The following GLIS1 variants were observed in gnomAD, a reference collection of about 807,000 sequenced individuals.
The protein encoded by GLIS1 is zinc finger protein GLIS1.
GLIS1 carries 24 observed loss-of-function variants against 63.8 expected under a neutral mutation model. That is an observed-to-expected ratio of 0.38 (90% CI 0.27 to 0.53). The LOEUF is 0.53. Among genes scored for constraint, GLIS1 ranks in the 20% least tolerant of loss-of-function variants. GLIS1 has a pLI of 0.85. For missense variants in GLIS1, 1,036 were observed against 1,074.1 expected (o/e 0.96, Z 0.50); for synonymous variants, 450 against 482.5 (o/e 0.93, Z 0.88).
At chr1:53,601,340 T>A (rs1645315866) in intron 2 of GLIS1, among the ~76,000 whole-genome samples, 1 of 152,216 alleles carries the variant, frequency 6.6e-6, no homozygotes, top group Admixed American at 6.5e-5. Flanking sequence ...GAAGGAAAAT[T>A]GTTCTTATTG....
chr1:53,711,014 C>A (rs1221597566), intron 2 of GLIS1, among the ~76,000 whole-genome samples: 1 of 152,094 alleles, frequency 6.6e-6, no homozygotes, highest in Non-Finnish European at 1.5e-5. Flanking sequence ...CTACACCCAC[C>A]CGTACCCCAC....
At chr1:53,724,228 T>C (rs964216410) in intron 2 of GLIS1, among the ~76,000 whole-genome samples, 1 of 152,226 alleles carries the variant, frequency 6.6e-6, no homozygotes, top group Non-Finnish European at 1.5e-5. Context: ...GACTTTAGCA[T>C]GTGACAAGAG....
In GLIS1 at chr1:53,506,770, T is replaced by C; in HGVS notation, c.2237A>G (p.Glu746Gly). ...GGGGCATGAGGCCTCAGCCAGGGCC[T>C]CATAGCCTGTGAGTGGTTGGGAAAG... is the stretch of plus-strand genomic sequence containing the variant. ...LSTPLPATGY[E>G]ALAEASCPTA... Residue 746 changes from glutamate (E) to glycine (G), a missense_variant, in exon 11 of 11, where the codon GAG (glutamate) becomes GGG (glycine). Glu to Gly is a moderately conservative substitution (Grantham distance 98). Coordinates refer to ENST00000628545, the MANE Select transcript of GLIS1 (RefSeq NM_001367484.1). The C allele has an allele frequency of 6.2e-7, 1 of 1,609,702 alleles. No homozygotes were observed.
At chr1:53,660,103 T>C (rs1459675528) in intron 2 of GLIS1, among the ~76,000 whole-genome samples, 1 of 152,142 alleles carries the variant, frequency 6.6e-6, no homozygotes, top group African/African-American at 2.4e-5. Flanking sequence ...CCAGACATTC[T>C]CCAGGTTGGG....
chr1:53,718,002 G>C (rs755650946), intron 2 of GLIS1, among the ~76,000 whole-genome samples: 7 of 152,226 alleles, frequency 4.6e-5, no homozygotes, highest in African/African-American at 7.2e-5. Context: ...TCTGGAACAG[G>C]TGACAACAGA....
intron 4 of GLIS1, among the ~76,000 whole-genome samples, chr1:53,584,066 A>G (rs1645111138): frequency 6.6e-6 from 1 of 152,120 alleles, no homozygotes; most frequent in African/African-American, 2.4e-5. Context: ...GGATCTGTGG[A>G]AGAAGGGCTC....
intron 4 of GLIS1, among the ~76,000 whole-genome samples, chr1:53,591,323 G>C (rs544881024): frequency 3.3e-4 from 50 of 152,284 alleles, no homozygotes; most frequent in African/African-American, 1.2e-3. Context: ...AGGAGGCCAG[G>C]GGAGGCTCTG....
intron 2 of GLIS1, among the ~76,000 whole-genome samples, chr1:53,635,061 GTT>G (rs149641062): frequency 6.6e-6 from 1 of 150,966 alleles, no homozygotes; most frequent in African/African-American, 2.5e-5. Flanking sequence ...CTCTGTTGTT[GTT>G]TTTTTTTTAA....
At chr1:53,545,124 A>G (rs1436689621) in intron 4 of GLIS1, among the ~76,000 whole-genome samples, 3 of 152,194 alleles carry the variant, frequency 2.0e-5, no homozygotes, top group African/African-American at 2.4e-5. Context: ...TTCCCCTCCA[A>G]TTCTGTGAAA....
At chr1:53,710,826 T>C (rs555359487) in intron 2 of GLIS1, among the ~76,000 whole-genome samples, 6 of 152,324 alleles carry the variant, frequency 3.9e-5, no homozygotes, top group African/African-American at 1.4e-4. Flanking sequence ...CTCCCACGCA[T>C]GTGAATGTTC....
At chr1:53,629,754 G>A (rs1419336607) in intron 2 of GLIS1, among the ~76,000 whole-genome samples, 1 of 152,118 alleles carries the variant, frequency 6.6e-6, no homozygotes, top group Non-Finnish European at 1.5e-5. Flanking sequence ...CACACACACT[G>A]CCTACTACAT....
At chr1:53,527,167 G>A (rs1252554634) in intron 5 of GLIS1, among the ~76,000 whole-genome samples, 2 of 152,266 alleles carry the variant, frequency 1.3e-5, no homozygotes, top group African/African-American at 2.4e-5. Flanking sequence ...GAGGGAGGGA[G>A]CGTGTGCAGG....
intron 2 of GLIS1, among the ~76,000 whole-genome samples, chr1:53,651,382 G>A (rs1174463775): frequency 1.3e-5 from 2 of 152,188 alleles, no homozygotes; most frequent in Non-Finnish European, 2.9e-5. Context: ...TGCCAGCCCT[G>A]CCTAAACAAA....
intron 2 of GLIS1, among the ~76,000 whole-genome samples, chr1:53,667,583 G>A (rs1646106704): frequency 6.6e-6 from 1 of 151,574 alleles, no homozygotes; most frequent in African/African-American, 2.4e-5. Context: ...CTCTCTTTCA[G>A]ACTCACAGGC....
In GLIS1 at chr1:53,646,341, A is replaced by G. The variant is rs1645844150; in HGVS notation, c.260-46063T>C. On this transcript the variant is annotated intron_variant, in intron 2 of 10. Coordinates refer to ENST00000628545, the MANE Select transcript of GLIS1 (RefSeq NM_001367484.1). This position sits in a 1 kb window ranked among gnomAD's most constrained non-coding sequence, Gnocchi z 4.2. ...AATCTAAAAACAAACTAGACCATTA[A>G]AAAGTTAATTTGACAAGGTCAGTAG... Among the ~76,000 whole-genome samples, 1 of 152,242 alleles carries G rather than the reference A, an allele frequency of 6.6e-6. No homozygotes were observed. Among genetic ancestry groups the G allele is most frequent in the Non-Finnish European group, 1.5e-5 (1 of 68,042 alleles).
chr1:53,602,424 C>T (rs926346750), intron 2 of GLIS1, among the ~76,000 whole-genome samples: 10 of 152,122 alleles, frequency 6.6e-5, no homozygotes, highest in Non-Finnish European at 1.3e-4. Flanking sequence ...AATCATCACA[C>T]GGAGCAGTTT....
intron 2 of GLIS1, among the ~76,000 whole-genome samples, chr1:53,656,896 C>G (rs748991006): frequency 6.6e-6 from 1 of 152,232 alleles, no homozygotes; most frequent in Non-Finnish European, 1.5e-5. Context: ...CAGACAGGTA[C>G]GTGCAAATCT....
At chr1:53,601,173 C>G (rs527303109) in intron 2 of GLIS1, among the ~76,000 whole-genome samples, 1 of 152,270 alleles carries the variant, frequency 6.6e-6, no homozygotes, top group South Asian at 2.1e-4. Flanking sequence ...CTACTCTGCC[C>G]CAAACCAATT....
At chr1:53,515,500 G>C (rs927778045) in intron 7 of GLIS1, among the ~76,000 whole-genome samples, 1 of 152,118 alleles carries the variant, frequency 6.6e-6, no homozygotes, top group African/African-American at 2.4e-5. Flanking sequence ...GAGGAGAGGA[G>C]TCAGCCTCAT....
Sources: gnomAD v4.1 joint callset for allele counts (sites outside exome capture counted in the v4.1 genomes callset) on GRCh38, gnomAD v4.1.1 for gene constraint, Gnocchi (gnomAD v3.1) non-coding constraint, MANE v1.5 for transcripts, NCBI Gene and HGNC (gene_info 2026-07-23, HGNC 2026-07-21) for gene names.